The following PDE11A variants were observed in gnomAD, a reference collection of about 807,000 sequenced individuals.
PDE11A encodes phosphodiesterase 11A, also known as dual 3',5'-cyclic-AMP and -GMP phosphodiesterase 11A.
Under a neutral mutation model 100.5 loss-of-function variants are expected in PDE11A, and 100 were observed. That is an observed-to-expected ratio of 1.00 (90% CI 0.85 to 1.18). PDE11A has a LOEUF of 1.18. PDE11A is among the 50% of genes most tolerant of loss of function. PDE11A has a pLI of 0.00. For synonymous variants in PDE11A, 381 were observed against 420.8 expected, an observed-to-expected ratio of 0.91 and a Z score of 1.16; for missense variants, 1,141 against 1,152.6, an observed-to-expected ratio of 0.99 and a Z score of 0.15.
At chr2:178,000,329 A>G (rs1255458190) in intron 2 of PDE11A, among the ~76,000 whole-genome samples, 1 of 152,236 alleles carries the variant, frequency 6.6e-6, no homozygotes, top group Non-Finnish European at 1.5e-5. Context: ...AAATTCTCCA[A>G]CAGGAAATAT....
chr2:177,744,338 T>C (rs941739895), intron 10 of PDE11A, among the ~76,000 whole-genome samples: 1 of 100,594 alleles, frequency 9.9e-6, no homozygotes, highest in African/African-American at 3.1e-5. Context: ...GATTGTTTCA[T>C]GCTTTTTTTT....
chr2:177,657,995 G>A (rs2080415716), intron 19 of PDE11A, among the ~76,000 whole-genome samples: 1 of 152,176 alleles, frequency 6.6e-6, no homozygotes, highest in Admixed American at 6.5e-5. Context: ...CTTGCCAAGA[G>A]GCTGCCACAA....
chr2:177,995,466 C>A (rs2086058241), intron 2 of PDE11A, among the ~76,000 whole-genome samples: 1 of 152,134 alleles, frequency 6.6e-6, no homozygotes, highest in Non-Finnish European at 1.5e-5. Flanking sequence ...TTTGGAATCA[C>A]AAACTATTCC....
chr2:178,006,255 T>G (rs1252858781), intron 2 of PDE11A, among the ~76,000 whole-genome samples: 1 of 152,222 alleles, frequency 6.6e-6, no homozygotes, highest in Admixed American at 6.5e-5. Flanking sequence ...TAGGAAACAC[T>G]GTTAAAGACA....
chr2:177,651,544 G>C (rs2080309193), intron 19 of PDE11A, among the ~76,000 whole-genome samples: 1 of 152,190 alleles, frequency 6.6e-6, no homozygotes, highest in African/African-American at 2.4e-5. Flanking sequence ...CTCAGTTTAT[G>C]AGTGTAGAGG....
At chr2:178,027,411 G>A (rs1466723878) in intron 1 of PDE11A, among the ~76,000 whole-genome samples, 2 of 152,124 alleles carry the variant, frequency 1.3e-5, no homozygotes, top group Non-Finnish European at 2.9e-5. Context: ...ATCTAAGACA[G>A]CACAATAGTT....
intron 15 of PDE11A, 40 bp from the exon 16 acceptor site, chr2:177,680,943 C>G: frequency 9.0e-7 from 1 of 1,115,514 alleles, no homozygotes; most frequent in Non-Finnish European, 1.4e-6. Flanking sequence ...AAAAAAAAAA[C>G]TGGAATGAGA....
At chr2:177,735,586 C>G (rs2081767738) in intron 10 of PDE11A, among the ~76,000 whole-genome samples, 1 of 152,196 alleles carries the variant, frequency 6.6e-6, no homozygotes, top group African/African-American at 2.4e-5. Flanking sequence ...GAGTTCCAAT[C>G]TCCCCTGAAG....
chr2:177,804,299 T>C (rs1187422926), intron 9 of PDE11A, among the ~76,000 whole-genome samples: 1 of 149,928 alleles, frequency 6.7e-6, no homozygotes, highest in Non-Finnish European at 1.5e-5. Context: ...GGAAAGGACA[T>C]GTAAGCCGGC....
Position 177,679,937 on chromosome 2 carries a change from T to C in PDE11A, c.2423+889A>G, listed in dbSNP as rs3770021. 7.6e-4 allele frequency among the ~76,000 whole-genome samples: 116 copies of C among 151,972 alleles called. 1 individual carries two copies. The highest frequency in any genetic ancestry group is 7.6e-3 in the East Asian group (39 of 5,162). On this transcript the variant is annotated intron_variant, in intron 16 of 19. Transcript: ENST00000286063. The stretch of plus-strand genomic sequence containing the variant: ...CCTGTAAAGATAATACAGAGGAATA[T>C]TAAAGCATAGAGGAAAAAAACTAGA...
In PDE11A at chr2:177,623,883, C is replaced by A. The variant is rs1016461914; in HGVS notation, c.*5524G>T. The A allele has an allele frequency of 1.3e-5, 2 of 152,126 alleles. No homozygotes were observed. The highest frequency in any genetic ancestry group is 3.8e-4 in the East Asian group (2 of 5,200). 9.4% of individuals were successfully genotyped at this position (152,126 alleles called of 1,614,324 possible). ...AAAATTAAATTTAAAAAAGTACAAC[C>A]CCAAATTACTAGCTGAAGACAAGGT... On this transcript the variant is annotated 3_prime_UTR_variant, in exon 20 of 20. Transcript: ENST00000286063.
chr2:177,720,344 T>C (rs1353240910), intron 12 of PDE11A, among the ~76,000 whole-genome samples: 1 of 152,046 alleles, frequency 6.6e-6, no homozygotes, highest in South Asian at 2.1e-4. Flanking sequence ...ACCTTCTTTT[T>C]AAAAAAGGAT....
intron 5 of PDE11A, among the ~76,000 whole-genome samples, chr2:177,849,666 T>C (rs2083662899): frequency 6.6e-6 from 1 of 151,694 alleles, no homozygotes; most frequent in Non-Finnish European, 1.5e-5. Flanking sequence ...GGTTTCACCA[T>C]GTAGTCCCAG....
chr2:178,065,426 GA>G (rs1175251732), intron 1 of PDE11A, among the ~76,000 whole-genome samples: 3 of 152,130 alleles, frequency 2.0e-5, no homozygotes, highest in African/African-American at 4.8e-5. Flanking sequence ...TATGGGTTGG[GA>G]AAAAAATTTA....
intron 1 of PDE11A, among the ~76,000 whole-genome samples, chr2:178,052,040 C>T (rs1474607329): frequency 1.3e-4 from 19 of 151,790 alleles, no homozygotes; most frequent in Non-Finnish European, 2.5e-4. Context: ...AACTCTCCAC[C>T]GCAAATCAAC....
intron 1 of PDE11A, among the ~76,000 whole-genome samples, chr2:178,043,563 G>T (rs1287238625): frequency 6.6e-6 from 1 of 152,110 alleles, no homozygotes; most frequent in Non-Finnish European, 1.5e-5. Flanking sequence ...TTTAAAACAG[G>T]CACTAAATGA....
At chr2:177,673,163 T>C (rs889081206) in intron 17 of PDE11A, among the ~76,000 whole-genome samples, 10 of 152,182 alleles carry the variant, frequency 6.6e-5, no homozygotes, top group Admixed American at 4.6e-4. Context: ...TGGAAAGGAC[T>C]TGAATCAAAA....
At chr2:177,904,556 CTT>C (rs11333208) in intron 3 of PDE11A, among the ~76,000 whole-genome samples, 2,988 of 133,028 alleles carry the variant, frequency 0.022, 47 homozygotes, top group African/African-American at 0.027. Context: ...TATTAATCTC[CTT>C]TTTTTTTTTT....
chr2:178,106,957 CAAAAAAA>C (rs575714643), intron 1 of PDE11A, among the ~76,000 whole-genome samples: 9 of 61,132 alleles, frequency 1.5e-4, no homozygotes, highest in East Asian at 9.1e-4. Context: ...AAGACTCTCT[CAAAAAAA>C]AAAAAAAAAA....
Sources: gnomAD v4.1 joint callset for allele counts (sites outside exome capture counted in the v4.1 genomes callset) on GRCh38, gnomAD v4.1.1 for gene constraint, MANE v1.5 for transcripts, NCBI Gene and HGNC (gene_info 2026-07-23, HGNC 2026-07-21) for gene names.